Variants in ZNF425 observed in about 807,000 individuals in gnomAD.
ZNF425 encodes the protein zinc finger protein 425.
A neutral mutation model predicts 17.0 loss-of-function variants in ZNF425; 21 were observed. The ratio of observed to expected loss-of-function variants is 1.23; its 90% confidence interval spans 0.88 to 1.78. ZNF425 has a LOEUF of 1.78. ZNF425 is among the 40% of genes most tolerant of loss of function. The probability of loss-of-function intolerance (pLI) is 0.00; values close to 1 mark genes in which losing one functional copy is unlikely to be tolerated. For synonymous variants in ZNF425, 433 were observed against 384.1 expected, an observed-to-expected ratio of 1.13 and a Z score of -1.49; for missense variants, 868 against 967.3, an observed-to-expected ratio of 0.90 and a Z score of 1.36.
At chr7:149,108,427 C>A (rs994781427) in intron 3 of ZNF425, among the ~76,000 whole-genome samples, 1 of 152,126 alleles carries the variant, frequency 6.6e-6, no homozygotes, top group African/African-American at 2.4e-5. Flanking sequence ...AGTATATTTA[C>A]CTTGAATCCC....
At chr7:149,110,592 C>T (rs1216699389) in intron 3 of ZNF425, among the ~76,000 whole-genome samples, 2 of 151,024 alleles carry the variant, frequency 1.3e-5, no homozygotes, top group Non-Finnish European at 2.9e-5. Context: ...GAAAAGCATT[C>T]GCGCACTATA....
chr7:149,125,706 C>T (rs1451122581), intron 1 of ZNF425: 2 of 195,792 alleles, frequency 1.0e-5, no homozygotes, highest in Non-Finnish European at 2.1e-5. Context: ...CGGGGTCTGG[C>T]TGTTGCCCAG....
Position 149,105,256 on chromosome 7 carries a change from C to T in ZNF425, c.615G>A (p.Leu205=). Residue 205 remains leucine, a synonymous_variant, in exon 4 of 4, where the codon TTG becomes TTA. Transcript: ENST00000378061. The stretch of plus-strand genomic sequence containing the variant: ...TGGAGTGGCTCCGTTTGTGCTTTAG[C>T]AAATCCCTCCTTACTTGGAAGACTT... ...CRKVFQVRRD[L]LKHKRSHSKS... 8 of 1,614,192 alleles carry T rather than the reference C, an allele frequency of 5.0e-6. No individual in the cohort carries two copies. Among genetic ancestry groups the T allele is most frequent in the Non-Finnish European group, 5.1e-6 (6 of 1,180,034 alleles).
In ZNF425 at chr7:149,105,064, G is replaced by T. The variant is rs376795606; in HGVS notation, c.807C>A (p.Thr269=). Residue 269 remains threonine, a synonymous_variant, in exon 4 of 4, where the codon ACC becomes ACA. Transcript: ENST00000378061. ...GSLVTHQVVH[T]GQRPYPCPEC... Reference sequence around the variant, plus strand: ...CAGGGCATGGGTAGGGCCGCTGGCCGGTGTGGACAACCTGATGAGTGACGA... The same window carrying T: ...CAGGGCATGGGTAGGGCCGCTGGCCTGTGTGGACAACCTGATGAGTGACGA... 2.0e-5 allele frequency: 32 copies of T among 1,614,222 alleles called. No homozygotes were observed. The South Asian group carries it at 3.0e-4, about 15-fold the overall frequency.
rs189720685 is a variant in ZNF425, at chr7:149,110,438, T to C, written c.304+1699A>G. On this transcript the variant is annotated intron_variant, in intron 3 of 3. Transcript: ENST00000378061. Reference sequence around the variant, plus strand: ...AAAACTAGCCAGGCGTGGTTGTGGGTGCCTGTAATCCCAGCTACTCAGGAG... The same window carrying C: ...AAAACTAGCCAGGCGTGGTTGTGGGCGCCTGTAATCCCAGCTACTCAGGAG... Among the ~76,000 whole-genome samples the C allele has an allele frequency of 8.2e-4, 124 of 151,438 alleles. 1 individual carries two copies. The highest frequency in any genetic ancestry group is 2.9e-3 in the African/African-American group (121 of 41,314).
At chr7:149,117,755 C>T (rs1033148693) in intron 2 of ZNF425, among the ~76,000 whole-genome samples, 10 of 142,586 alleles carry the variant, frequency 7.0e-5, no homozygotes, top group Admixed American at 3.8e-4. Context: ...CAGGTTCAAG[C>T]GATTCTCCTG....
At chr7:149,121,104 T>C (rs1165987143) in intron 1 of ZNF425, among the ~76,000 whole-genome samples, 1 of 8,948 alleles carries the variant, frequency 1.1e-4, no homozygotes, top group Non-Finnish European at 2.4e-4. Flanking sequence ...TTTTTTTTTT[T>C]TTTTTTTGAG....
Position 149,104,020 on chromosome 7 carries a change from C to G in ZNF425, c.1851G>C (p.Lys617Asn). 1 of 1,613,680 alleles carries G rather than the reference C, an allele frequency of 6.2e-7. No individual in the cohort carries two copies. The highest frequency in any genetic ancestry group is 2.2e-5 in the East Asian group (1 of 44,866). The change falls in exon 4 of 4, where the codon AAG becomes AAC. Residue 617 changes from lysine to asparagine, a missense_variant. Around this residue, in one of 5 missense-constraint regions of ZNF425, gnomAD observed 437 missense variants for 444.2 expected, o/e 0.98. Transcript: ENST00000378061. The surrounding 1 kb of genome is among the most constrained non-coding windows in gnomAD (Gnocchi z 4.3). Reference sequence around the variant, plus strand: ...TCAGGTTTCCCTTGAGGCGGAAAGTCTTCTCGCATTCAGGACACTGGTAGG... The same window carrying G: ...TCAGGTTTCCCTTGAGGCGGAAAGTGTTCTCGCATTCAGGACACTGGTAGG... The part of the protein sequence containing the change: ...EKPYQCPECE[K>N]TFRLKGNLKS...
intron 1 of ZNF425, among the ~76,000 whole-genome samples, chr7:149,120,473 G>C (rs1826332239): frequency 6.6e-6 from 1 of 152,170 alleles, no homozygotes; most frequent in African/African-American, 2.4e-5. Context: ...ATGTCCTTGA[G>C]ATCCATCCAA....
At position 149,105,309 on chromosome 7, in the gene ZNF425, T is replaced by C. The variant is rs1826062762; in HGVS notation, c.562A>G (p.Arg188Gly). 6.2e-7 allele frequency: 1 copy of C among 1,614,186 alleles called. No individual in the cohort carries two copies. The highest frequency in any genetic ancestry group is 1.3e-5 in the African/African-American group (1 of 75,068). ...CTACAGACATAGCAGGAATAGCATC[T>C]TGGCCCTGTGGGAATTTCTAAGCGC... ...PGRLEIPTGPRCYSCYVCRKV... is the reference protein window; with the variant it reads ...PGRLEIPTGPGCYSCYVCRKV... The change falls in exon 4 of 4, where the codon AGA (arginine) becomes GGA (glycine). Residue 188 changes from arginine to glycine, a missense_variant. Coordinates refer to ENST00000378061, the MANE Select transcript of ZNF425 (RefSeq NM_001001661.3).
chr7:149,123,570 T>G (rs1826395228), intron 1 of ZNF425, among the ~76,000 whole-genome samples: 1 of 152,188 alleles, frequency 6.6e-6, no homozygotes, highest in African/African-American at 2.4e-5. Flanking sequence ...TCTCGCTCTG[T>G]CCCCAGGCTG....
At chr7:149,105,871 C>T (rs564255473) in intron 3 of ZNF425, among the ~76,000 whole-genome samples, 37 of 151,110 alleles carry the variant, frequency 2.4e-4, no homozygotes, top group Non-Finnish European at 3.2e-4. Context: ...AGGATGACCT[C>T]GTGATCCACT....
At chr7:149,114,883 A>G (rs1826234690) in intron 2 of ZNF425, among the ~76,000 whole-genome samples, 1 of 149,864 alleles carries the variant, frequency 6.7e-6, no homozygotes, top group Admixed American at 6.7e-5. Context: ...CTCACATCCA[A>G]TCCTCACCAT....
chr7:149,105,270 C>T lies in ZNF425; in HGVS notation c.601G>A (p.Val201Ile). 6.2e-7 allele frequency: 1 copy of T among 1,614,204 alleles called. No homozygotes were observed. The highest frequency in any genetic ancestry group is 1.7e-5 in the Admixed American group (1 of 60,012). ...TTGTGCTTTAGCAAATCCCTCCTTA[C>T]TTGGAAGACTTTCCTACAGACATAG... ...SCYVCRKVFQ[V>I]RRDLLKHKRS... The change falls in exon 4 of 4, where the codon GTA becomes ATA. Residue 201 changes from valine (V) to isoleucine (I), a missense_variant. Coordinates refer to ENST00000378061, the MANE Select transcript of ZNF425 (RefSeq NM_001001661.3).
At chr7:149,111,468 T>C (rs191499215) in intron 3 of ZNF425, among the ~76,000 whole-genome samples, 1 of 151,056 alleles carries the variant, frequency 6.6e-6, no homozygotes, top group Non-Finnish European at 1.5e-5. Flanking sequence ...GGCAGGCATC[T>C]GTAGTCCCAG....
chr7:149,119,267 T>C (rs748197794), intron 1 of ZNF425, among the ~76,000 whole-genome samples: 1 of 152,036 alleles, frequency 6.6e-6, no homozygotes, highest in Admixed American at 6.6e-5. Flanking sequence ...TGTGCCACCA[T>C]GCCTGGTTCG....
In ZNF425 at chr7:149,112,162, C is replaced by T. The variant is rs1826186339; in HGVS notation, c.279G>A (p.Lys93=). The T allele has an allele frequency of 6.2e-7, 1 of 1,613,906 alleles. No individual in the cohort carries two copies. The highest frequency in any genetic ancestry group is 8.5e-7 in the Non-Finnish European group (1 of 1,179,906). ...CAAAACATAGCAACTTTCCAGTATT[C>T]TTCATGTTCAACTGTTCATCAGTAG... The part of the protein sequence containing the change: ...SPPTDEQLNM[K]NTGKLLCFDD... The change falls in exon 3 of 4, where the codon AAG becomes AAA. Residue 93 remains lysine (K), a synonymous_variant. Transcript: ENST00000378061.
rs756880738 is a variant in ZNF425 at position 149,105,005 on chromosome 7, A to C, written c.866T>G (p.Leu289Arg). The change falls in exon 4 of 4, where the codon CTG (leucine) becomes CGG (arginine). Residue 289 changes from leucine to arginine, a missense_variant. Leu to Arg is a moderately radical substitution (Grantham distance 102). This residue lies in a region of ZNF425 where 243 missense variants were observed against 265.2 expected (regional missense o/e 0.92). Transcript: ENST00000378061. ...GCGGTGTAGACACAGGTGCTTCTTC[A>C]GGTTGGCCCTGTACCGGAAGGTCTT... ...CDKTFRYRANLKKHLCLHRGE... is the reference protein window; with the variant it reads ...CDKTFRYRANRKKHLCLHRGE... 5.6e-6 allele frequency: 9 copies of C among 1,614,048 alleles called. No homozygotes were observed. The Admixed American group carries it at 8.3e-5, about 15-fold the overall frequency.
chr7:149,110,440 C>A (rs975795419), intron 3 of ZNF425, among the ~76,000 whole-genome samples: 1 of 151,582 alleles, frequency 6.6e-6, no homozygotes, highest in Non-Finnish European at 1.5e-5. Context: ...GTTGTGGGTG[C>A]CTGTAATCCC....
Sources: gnomAD v4.1 joint callset for allele counts (sites outside exome capture counted in the v4.1 genomes callset) on GRCh38, gnomAD v4.1.1 for gene constraint, gnomAD v4.1.1 regional missense constraint, Gnocchi (gnomAD v3.1) non-coding constraint, MANE v1.5 for transcripts, NCBI Gene and HGNC (gene_info 2026-07-23, HGNC 2026-07-21) for gene names.